Variants in DCAF17 observed in about 807,000 individuals in gnomAD.
DCAF17 encodes the protein DDB1- and CUL4-associated factor 17.
In DCAF17, 48 loss-of-function variants were observed where a neutral mutation model predicts 66.0. The ratio of observed to expected loss-of-function variants is 0.73; its 90% CI spans 0.58 to 0.92. DCAF17 has a LOEUF of 0.92. DCAF17 is among the 40% of genes least tolerant of loss of function. DCAF17 has a pLI of 0.00. For synonymous variants in DCAF17, 206 were observed against 214.6 expected (o/e 0.96, Z 0.35); for missense variants, 562 against 622.8 (o/e 0.90, Z 1.04).
Position 171,481,267 on chromosome 2 carries a change from C to G in DCAF17, c.*153C>G, listed in dbSNP as rs1478413852. The G allele has an allele frequency of 1.2e-5, 11 of 937,932 alleles. No homozygotes were observed. Among genetic ancestry groups the G allele is most frequent in the Admixed American group, 1.9e-5 (1 of 51,386 alleles). The allele number at this position is 937,932 out of a possible 1,614,324, so 58.1% of individuals were successfully genotyped here. On this transcript the variant is annotated 3_prime_UTR_variant, in exon 14 of 14. Coordinates refer to ENST00000375255, the MANE Select transcript of DCAF17 (RefSeq NM_025000.4). ...ATGACTATGACTTCTTTTTTAAACT[C>G]TTGCTGTAAAAGATGGTGAGGACTT... is the stretch of plus-strand genomic sequence containing the variant.
chr2:171,450,040 A>C (rs1023133434), intron 5 of DCAF17, 83 bp downstream of exon 5: 3 of 1,194,596 alleles, frequency 2.5e-6, no homozygotes, highest in Admixed American at 3.5e-5. Flanking sequence ...AAATCTAATG[A>C]TCTTTTATTT....
chr2:171,450,230 G>T (rs1000868970), intron 5 of DCAF17, among the ~76,000 whole-genome samples: 1 of 152,162 alleles, frequency 6.6e-6, no homozygotes, highest in African/African-American at 2.4e-5. Context: ...GGAGACTCGG[G>T]TGAAAGGGTG....
At position 171,451,081 on chromosome 2, in the gene DCAF17, C is replaced by G. The variant is rs752790262; in HGVS notation, c.537+1124C>G. Among the ~76,000 whole-genome samples, 10 of 151,788 alleles carry G rather than the reference C, an allele frequency of 6.6e-5. No individual in the cohort carries two copies. In the South Asian group the frequency reaches 1.3e-3, roughly 19 times the overall value. On this transcript the variant is annotated intron_variant, in intron 5 of 13. Transcript: ENST00000375255. Reference sequence around the variant, plus strand: ...AGTTAAGTAGTTCCTTTAATTTTACCTTGTTTAGATAACTACATCAAGCAT... The same window carrying G: ...AGTTAAGTAGTTCCTTTAATTTTACGTTGTTTAGATAACTACATCAAGCAT...
chr2:171,472,929 T>G (rs1255919580), intron 9 of DCAF17: 1 of 340,044 alleles, frequency 2.9e-6, no homozygotes, highest in African/African-American at 2.2e-5. Flanking sequence ...CAAGTTGATG[T>G]TCGTTCCCAG....
Position 171,458,489 on chromosome 2 carries a change from CTA to C in DCAF17, c.838+15_838+16del. 3 of 1,589,432 alleles carry C rather than the reference CTA, an allele frequency of 1.9e-6. No individual in the cohort carries two copies. The highest frequency in any genetic ancestry group is 2.6e-6 in the Non-Finnish European group (3 of 1,158,118). ...TATTAAAATCACAGGTATGGCTACT[CTA>C]TAGTATTTTTTCACCTTAAAAAAAT... is the stretch of plus-strand genomic sequence containing the variant. On this transcript the variant is annotated intron_variant, in intron 8 of 13. Coordinates refer to ENST00000375255, the MANE Select transcript of DCAF17 (RefSeq NM_025000.4).
intron 2 of DCAF17, among the ~76,000 whole-genome samples, chr2:171,442,877 A>G (rs1185835551): frequency 4.6e-5 from 7 of 152,114 alleles, no homozygotes; most frequent in Non-Finnish European, 1.0e-4. Context: ...ACTGTCTCAA[A>G]AAAAAGGAAC....
At position 171,466,969 on chromosome 2, in the gene DCAF17, G is replaced by T. The variant is rs189989482; in HGVS notation, c.839-1919G>T. Reference sequence around the variant, plus strand: ...TGCCTTTTTCCCTTTTTCTATTGGGGTGTTTATATTTTTTATTGCTTAAAA... The same window carrying T: ...TGCCTTTTTCCCTTTTTCTATTGGGTTGTTTATATTTTTTATTGCTTAAAA... On this transcript the variant is annotated intron_variant, in intron 8 of 13. Coordinates refer to ENST00000375255, the MANE Select transcript of DCAF17 (RefSeq NM_025000.4). Among the ~76,000 whole-genome samples the T allele has an allele frequency of 2.1e-3, 323 of 151,516 alleles. 4 individuals are homozygous for T. The highest frequency in any genetic ancestry group is 3.9e-3 in the Non-Finnish European group (267 of 67,830).
chr2:171,476,973 T>C (rs1411437513), intron 11 of DCAF17, 23 bp downstream of exon 11: 1 of 1,523,478 alleles, frequency 6.6e-7, no homozygotes, highest in East Asian at 2.3e-5. Context: ...TACTTTAAAA[T>C]CCTTTATATA....
rs1423756298 is a variant in DCAF17, at chr2:171,484,518, T to C, written c.*3404T>C. 5 of 449,864 alleles carry C rather than the reference T, an allele frequency of 1.1e-5. No homozygotes were observed. The highest frequency in any genetic ancestry group is 4.7e-5 in the Admixed American group (2 of 42,108). 27.9% of individuals were successfully genotyped at this position (449,864 alleles called of 1,614,324 possible). A position where few individuals can be genotyped will look rare whatever the true frequency, so the allele number is the denominator to read the frequency against. The stretch of plus-strand genomic sequence containing the variant: ...TTTCAAAATAAATTGCAGTTGCTGA[T>C]ATACTTCCCCCTAGTACTTCAACTG... On this transcript the variant is annotated 3_prime_UTR_variant, in exon 14 of 14. Coordinates refer to ENST00000375255, the MANE Select transcript of DCAF17 (RefSeq NM_025000.4).
Position 171,455,390 on chromosome 2 carries a change from G to A in DCAF17, c.627+2177G>A, listed in dbSNP as rs146075009. Among the ~76,000 whole-genome samples, 230 of 152,208 alleles carry A rather than the reference G, an allele frequency of 1.5e-3. 4 individuals are homozygous for A. The East Asian group carries it at 0.016, about 11-fold the overall frequency. On this transcript the variant is annotated intron_variant, in intron 6 of 13. Coordinates refer to ENST00000375255, the MANE Select transcript of DCAF17 (RefSeq NM_025000.4). The stretch of plus-strand genomic sequence containing the variant: ...CCTGGTGTATATGTACAACATTTTC[G>A]TTACCCAGTCTATCACTGATGGACA...
chr2:171,463,357 A>G (rs1478916389), intron 8 of DCAF17, among the ~76,000 whole-genome samples: 1 of 151,914 alleles, frequency 6.6e-6, no homozygotes, highest in Non-Finnish European at 1.5e-5. Flanking sequence ...TCATTTGTGT[A>G]AAGTATTGTG....
Position 171,434,467 on chromosome 2 carries a change from G to T in DCAF17, c.-111G>T, listed in dbSNP as rs80336595. 7.8e-4 allele frequency: 1,171 copies of T among 1,509,542 alleles called. 8 individuals are homozygous for T. In the East Asian group the frequency reaches 0.011, roughly 14 times the overall value. The allele number at this position is 1,509,542 out of a possible 1,614,324, so 93.5% of individuals were successfully genotyped here. ...CCCGTGTCAGCTTTCCCTGGGCCCC[G>T]CCGGGAAAGTCTGGGCCTCGAAATT... On this transcript the variant is annotated 5_prime_UTR_variant, in exon 1 of 14. Transcript: ENST00000375255.
chr2:171,455,433 T>C (rs1695203468), intron 6 of DCAF17, among the ~76,000 whole-genome samples: 1 of 152,228 alleles, frequency 6.6e-6, no homozygotes, highest in Non-Finnish European at 1.5e-5. Flanking sequence ...TGGTTCCATG[T>C]CTTTGCTCTT....
At chr2:171,478,856 A>G (rs1696618341) in intron 12 of DCAF17, among the ~76,000 whole-genome samples, 1 of 152,228 alleles carries the variant, frequency 6.6e-6, no homozygotes, top group South Asian at 2.1e-4. Context: ...CAAAGAAGAA[A>G]GCAACATACT....
intron 8 of DCAF17, among the ~76,000 whole-genome samples, chr2:171,466,098 A>G (rs1210986756): frequency 6.6e-6 from 1 of 152,096 alleles, no homozygotes; most frequent in African/African-American, 2.4e-5. Flanking sequence ...TCCTGGGCTC[A>G]AGCAATCCAC....
At chr2:171,445,280 A>G (rs1024697356) in intron 3 of DCAF17, among the ~76,000 whole-genome samples, 1 of 152,064 alleles carries the variant, frequency 6.6e-6, no homozygotes, top group Non-Finnish European at 1.5e-5. Context: ...ACCCAGCACC[A>G]TGCCCCACTA....
intron 9 of DCAF17, among the ~76,000 whole-genome samples, chr2:171,473,146 G>C (rs1296358115): frequency 6.6e-6 from 1 of 152,126 alleles, no homozygotes; most frequent in Non-Finnish European, 1.5e-5. Context: ...CTTTAGGTTT[G>C]TTTACATGTT....
chr2:171,476,724 A>G, intron 10 of DCAF17, 136 bp from the exon 11 acceptor site: 1 of 667,064 alleles, frequency 1.5e-6, no homozygotes, highest in East Asian at 2.8e-5. Flanking sequence ...ACTTATTAGT[A>G]TTGTAGACTA....
intron 9 of DCAF17, among the ~76,000 whole-genome samples, chr2:171,471,487 T>C (rs1210209153): frequency 6.6e-6 from 1 of 152,222 alleles, no homozygotes; most frequent in African/African-American, 2.4e-5. Context: ...AAGATATGTA[T>C]AGTATGTGCA....
Sources: gnomAD v4.1 joint callset for allele counts (sites outside exome capture counted in the v4.1 genomes callset) on GRCh38, gnomAD v4.1.1 for gene constraint, MANE v1.5 for transcripts, NCBI Gene and HGNC (gene_info 2026-07-23, HGNC 2026-07-21) for gene names.